PLXNA4: variants seen among roughly 807,000 people sequenced by gnomAD.
PLXNA4 encodes plexin-A4.
In PLXNA4, 44 loss-of-function variants were observed where a neutral mutation model predicts 191.8. The ratio of observed to expected loss-of-function variants is 0.23; its 90% CI spans 0.18 to 0.29. The LOEUF (loss-of-function observed/expected upper bound fraction) is 0.29. Ranked by LOEUF, PLXNA4 falls within the 10% of genes least tolerant of loss-of-function variation. The pLI is 1.00. For synonymous variants in PLXNA4, 1,082 were observed against 1,009.5 expected, an observed-to-expected ratio of 1.07 and a Z score of -1.36; for missense variants, 1,800 against 2,488.8, an observed-to-expected ratio of 0.72 and a Z score of 5.89.
intron 3 of PLXNA4, among the ~76,000 whole-genome samples, chr7:132,478,891 C>G (rs1162213905): frequency 6.6e-6 from 1 of 152,114 alleles, no homozygotes; most frequent in Admixed American, 6.5e-5. Context: ...AAAGACAACC[C>G]ATCTCTTTCC....
intron 3 of PLXNA4, among the ~76,000 whole-genome samples, chr7:132,375,678 C>A (rs1804632432): frequency 6.6e-6 from 1 of 151,996 alleles, no homozygotes; most frequent in South Asian, 2.1e-4. Flanking sequence ...ACAGGAAGGA[C>A]AGATCAAAAA....
chr7:132,529,971 G>A lies in PLXNA4; in HGVS notation c.-86-21192C>T, dbSNP rs185073431. Among the ~76,000 whole-genome samples the A allele has an allele frequency of 7.9e-5, 12 of 152,296 alleles. No individual in the cohort carries two copies. In the East Asian group the frequency reaches 9.6e-4, roughly 12 times the overall value. ...ACCACTGATAGGCAAACCCTGTCAC[G>A]TGCAGATGAGGAAGCAGTCCCAGGG... On this transcript the variant is annotated intron_variant, in intron 1 of 31. Coordinates refer to ENST00000321063, the MANE Select transcript of PLXNA4 (RefSeq NM_020911.2).
chr7:132,507,383 G>T, intron 2 of PLXNA4, 123 bp downstream of exon 2: 1 of 1,071,562 alleles, frequency 9.3e-7, no homozygotes, highest in Non-Finnish European at 1.3e-6. Flanking sequence ...TCAGAGATGG[G>T]ATGGGATATA....
chr7:132,164,364 G>T, intron 23 of PLXNA4, 76 bp from the exon 24 acceptor site: 1 of 1,564,396 alleles, frequency 6.4e-7, no homozygotes, highest in Non-Finnish European at 8.7e-7. Context: ...CTTCTCCAAA[G>T]GGCTGCTTCC....
chr7:132,541,507 C>A (rs547092257), intron 1 of PLXNA4, among the ~76,000 whole-genome samples: 12 of 152,296 alleles, frequency 7.9e-5, no homozygotes, highest in African/African-American at 2.9e-4. Context: ...GAGAAAATAA[C>A]CAGGGAGATT....
At chr7:132,285,694 CT>C (rs1395203206) in intron 4 of PLXNA4, among the ~76,000 whole-genome samples, 2 of 152,212 alleles carry the variant, frequency 1.3e-5, no homozygotes, top group Admixed American at 1.3e-4. Flanking sequence ...CATCAATTTA[CT>C]TTTGAAAACG....
In PLXNA4 at chr7:132,188,330, T is replaced by C. The variant is rs867356524; in HGVS notation, c.2857-723A>G. Among the ~76,000 whole-genome samples the C allele has an allele frequency of 8.5e-5, 13 of 152,360 alleles. No individual in the cohort carries two copies. In the South Asian group the frequency reaches 2.3e-3, roughly 27 times the overall value. On this transcript the variant is annotated intron_variant, in intron 14 of 31. Coordinates refer to ENST00000321063, the MANE Select transcript of PLXNA4 (RefSeq NM_020911.2). The stretch of plus-strand genomic sequence containing the variant: ...GGGGATTTGGAGTTGCAGTTTGTTC[T>C]TTCATTAGCATTTTAATGGAAAAAC...
chr7:132,337,392 C>T (rs1802860873), intron 3 of PLXNA4, among the ~76,000 whole-genome samples: 1 of 152,230 alleles, frequency 6.6e-6, no homozygotes, highest in Non-Finnish European at 1.5e-5. Context: ...CAGATGCATG[C>T]ACAGAAATAC....
chr7:132,158,708 G>GACTC, intron 25 of PLXNA4, among the ~76,000 whole-genome samples: 1 of 152,164 alleles, frequency 6.6e-6, no homozygotes, highest in Non-Finnish European at 1.5e-5. Context: ...ACGGCACCAG[G>GACTC]ACTCAAATCT....
intron 3 of PLXNA4, among the ~76,000 whole-genome samples, chr7:132,383,062 C>G (rs1023987031): frequency 6.6e-6 from 1 of 152,038 alleles, no homozygotes; most frequent in Admixed American, 6.6e-5. Context: ...TGTAGGAAAC[C>G]CTTAATACAT....
chr7:132,156,239 C>T (rs920033003), intron 25 of PLXNA4, among the ~76,000 whole-genome samples: 6 of 151,852 alleles, frequency 4.0e-5, no homozygotes, highest in East Asian at 1.9e-4. Context: ...CTTACTAACG[C>T]GGTTTCCCAT....
chr7:132,269,874 C>T (rs1799998251), intron 4 of PLXNA4, among the ~76,000 whole-genome samples: 2 of 152,014 alleles, frequency 1.3e-5, no homozygotes, highest in Admixed American at 6.5e-5. Flanking sequence ...AATAGGGAGT[C>T]CTGCAGAGGG....
intron 2 of PLXNA4, among the ~76,000 whole-genome samples, chr7:132,623,702 G>A (rs1486314598): frequency 6.6e-6 from 1 of 152,108 alleles, no homozygotes; most frequent in Non-Finnish European, 1.5e-5. Context: ...CTGGGACCCT[G>A]GGGCTCTACA....
At chr7:132,555,863 T>G (rs1800781044) in intron 1 of PLXNA4, among the ~76,000 whole-genome samples, 2 of 152,264 alleles carry the variant, frequency 1.3e-5, no homozygotes, top group Admixed American at 6.5e-5. Flanking sequence ...CTACACTGTT[T>G]GTTAAAAAAC....
intron 23 of PLXNA4, 54 bp from the exon 24 acceptor site, chr7:132,164,342 C>T (rs754298574): frequency 4.5e-5 from 71 of 1,595,150 alleles, no homozygotes; most frequent in Non-Finnish European, 5.9e-5. Flanking sequence ...TGGAGTGTAC[C>T]CCCAGTCCCT....
At chr7:132,515,140 T>G (rs1468387725) in intron 1 of PLXNA4, among the ~76,000 whole-genome samples, 1 of 152,126 alleles carries the variant, frequency 6.6e-6, no homozygotes, top group Admixed American at 6.5e-5. Context: ...AAGTTCTAGC[T>G]CTTCCACCAG....
intron 4 of PLXNA4, among the ~76,000 whole-genome samples, chr7:132,292,878 T>C (rs984419325): frequency 5.9e-5 from 9 of 152,158 alleles, no homozygotes; most frequent in Non-Finnish European, 1.0e-4. Flanking sequence ...GACACGATAT[T>C]TGAGCAAAAA....
At chr7:132,517,255 A>G (rs969473718) in intron 1 of PLXNA4, among the ~76,000 whole-genome samples, 6 of 152,212 alleles carry the variant, frequency 3.9e-5, no homozygotes, top group African/African-American at 1.4e-4. Flanking sequence ...CAGCCTCTCC[A>G]TTTCCACATG....
At chr7:132,181,724 T>C in intron 17 of PLXNA4, 104 bp from the exon 18 acceptor site, 3 of 1,500,212 alleles carry the variant, frequency 2.0e-6, no homozygotes, top group South Asian at 2.7e-5. Context: ...TAGCAAGGGG[T>C]TGACAAGAGG....
Sources: allele counts gnomAD v4.1 joint callset (sites outside exome capture counted in the v4.1 genomes callset), GRCh38; gene constraint gnomAD v4.1.1; transcripts MANE v1.5; gene names NCBI Gene and HGNC (gene_info 2026-07-23, HGNC 2026-07-21).